The following RNGTT variants were observed in gnomAD, a reference collection of about 807,000 sequenced individuals.
RNGTT encodes the protein mRNA-capping enzyme.
In RNGTT, 33 loss-of-function variants were observed where a neutral mutation model predicts 79.3. That is an observed-to-expected ratio of 0.42 (90% CI 0.32 to 0.56). RNGTT has a LOEUF of 0.56. RNGTT is among the 20% of genes least tolerant of loss of function. RNGTT has a pLI of 0.17. For missense variants in RNGTT, 497 were observed against 739.1 expected (o/e 0.67, Z 3.80); for synonymous variants, 222 against 235.9 (o/e 0.94, Z 0.54).
chr6:88,656,804 G>C (rs1773996652), intron 14 of RNGTT, among the ~76,000 whole-genome samples: 1 of 151,694 alleles, frequency 6.6e-6, no homozygotes, highest in Non-Finnish European at 1.5e-5. Context: ...AGTAAGTTGA[G>C]GAAGGCCAGG....
At chr6:88,846,433 C>T (rs1310422810) in intron 10 of RNGTT, among the ~76,000 whole-genome samples, 2 of 151,952 alleles carry the variant, frequency 1.3e-5, no homozygotes, top group African/African-American at 4.8e-5. Context: ...TTGCTATGTC[C>T]CACACCTTAC....
chr6:88,713,088 A>G (rs1776373621), intron 13 of RNGTT, among the ~76,000 whole-genome samples: 1 of 152,104 alleles, frequency 6.6e-6, no homozygotes, highest in Non-Finnish European at 1.5e-5. Flanking sequence ...GTGTTCCCTC[A>G]AGTCATGTGT....
At chr6:88,887,047 TAAAAAAAAAAA>T (rs754717516) in intron 8 of RNGTT, among the ~76,000 whole-genome samples, 2 of 83,458 alleles carry the variant, frequency 2.4e-5, no homozygotes, top group Admixed American at 1.4e-4. Context: ...ACAATTTCTT[TAAAAAAAAAAA>T]AAAAAAAAAA....
intron 14 of RNGTT, among the ~76,000 whole-genome samples, chr6:88,675,316 C>T (rs956619344): frequency 6.6e-6 from 1 of 152,108 alleles, no homozygotes; most frequent in African/African-American, 2.4e-5. Flanking sequence ...AATGCTTTCC[C>T]ACTAAGATAA....
chr6:88,711,410 T>G (rs1776312163), intron 13 of RNGTT, among the ~76,000 whole-genome samples: 1 of 152,216 alleles, frequency 6.6e-6, no homozygotes, highest in Admixed American at 6.5e-5. Context: ...TCAGTAATAT[T>G]ATATAACATG....
Position 88,875,187 on chromosome 6 carries a change from G to GA in RNGTT, c.896+15307dup, listed in dbSNP as rs966287085. On this transcript the variant is annotated intron_variant, in intron 8 of 15. Transcript: ENST00000369485. ...TTGAATTACCATCACAAAGCAATTT[G>GA]AAAAAAAAATAATAGAGTTTTTCTA... is the stretch of plus-strand genomic sequence containing the variant. 1.2e-4 allele frequency among the ~76,000 whole-genome samples: 18 copies of GA among 148,396 alleles called. 1 individual carries two copies. The South Asian group carries it at 1.9e-3, about 16-fold the overall frequency.
Position 88,612,764 on chromosome 6 carries a change from C to G in RNGTT, c.1749G>C (p.Glu583Asp). 1 of 1,613,280 alleles carries G rather than the reference C, an allele frequency of 6.2e-7. No homozygotes were observed. The highest frequency in any genetic ancestry group is 8.5e-7 in the Non-Finnish European group (1 of 1,179,930). Reference protein sequence around the residue: ...KRKHHLDPDTELMPPPPPKRP... With the variant: ...KRKHHLDPDTDLMPPPPPKRP... ...TTTTGGGAGGTGGTGGTGGCATGAG[C>G]TCCGTGTCAGGGTCCAGATGATGTT... Residue 583 changes from glutamate (E) to aspartate (D), a missense_variant, in exon 16 of 16, where the codon GAG (glutamate) becomes GAC (aspartate). Transcript: ENST00000369485.
intron 4 of RNGTT, among the ~76,000 whole-genome samples, chr6:88,908,355 C>T (rs1484211136): frequency 6.6e-6 from 1 of 152,156 alleles, no homozygotes; most frequent in Non-Finnish European, 1.5e-5. Context: ...AAAAACGCCT[C>T]TTCCATGAAA....
chr6:88,895,229 C>CTGTGTGTG (rs5878081), intron 6 of RNGTT, among the ~76,000 whole-genome samples: 3,451 of 145,152 alleles, frequency 0.024, 73 homozygotes, highest in African/African-American at 0.055. Context: ...AGAGAGAGCT[C>CTGTGTGTG]TGTGTGTGTG....
At chr6:88,674,194 GTTAT>G (rs765677533) in intron 14 of RNGTT, among the ~76,000 whole-genome samples, 2 of 152,224 alleles carry the variant, frequency 1.3e-5, no homozygotes, top group Non-Finnish European at 2.9e-5. Flanking sequence ...AATTAATGGA[GTTAT>G]TTAAAGAGGT....
intron 11 of RNGTT, among the ~76,000 whole-genome samples, chr6:88,843,781 T>C (rs926804445): frequency 4.8e-4 from 73 of 151,336 alleles, no homozygotes; most frequent in African/African-American, 9.9e-4. Flanking sequence ...TGGTCTTGAG[T>C]TCCTGACCTT....
intron 14 of RNGTT, among the ~76,000 whole-genome samples, chr6:88,634,229 T>C (rs2127770560): frequency 1.3e-5 from 2 of 152,298 alleles, no homozygotes; most frequent in South Asian, 4.1e-4. Flanking sequence ...TAAGCTAGTT[T>C]TACAAGATTC....
chr6:88,884,058 T>C (rs1782779670), intron 8 of RNGTT, among the ~76,000 whole-genome samples: 1 of 152,318 alleles, frequency 6.6e-6, no homozygotes, highest in Non-Finnish European at 1.5e-5. Context: ...GAATACAATC[T>C]GGCACTACCC....
chr6:88,673,088 T>A (rs1266693331), intron 14 of RNGTT, among the ~76,000 whole-genome samples: 1 of 152,150 alleles, frequency 6.6e-6, no homozygotes, highest in Non-Finnish European at 1.5e-5. Flanking sequence ...AGAAATATAG[T>A]TGTAAAATAT....
chr6:88,774,061 T>A (rs1025265403), intron 12 of RNGTT, among the ~76,000 whole-genome samples: 1 of 152,156 alleles, frequency 6.6e-6, no homozygotes, highest in Non-Finnish European at 1.5e-5. Flanking sequence ...ATTATACATC[T>A]GATATAAACC....
At chr6:88,724,059 G>T (rs917093566) in intron 13 of RNGTT, among the ~76,000 whole-genome samples, 5 of 152,132 alleles carry the variant, frequency 3.3e-5, no homozygotes, top group African/African-American at 1.2e-4. Flanking sequence ...TTTTACAAAA[G>T]AGTCAAAAGG....
chr6:88,680,099 C>A (rs992880190), intron 13 of RNGTT, among the ~76,000 whole-genome samples: 1 of 152,078 alleles, frequency 6.6e-6, no homozygotes, highest in Non-Finnish European at 1.5e-5. Context: ...ACTGCAAACT[C>A]AAAACAATCA....
chr6:88,651,728 C>G (rs1332824140), intron 14 of RNGTT, among the ~76,000 whole-genome samples: 1 of 147,332 alleles, frequency 6.8e-6, no homozygotes, highest in African/African-American at 2.7e-5. Flanking sequence ...TATTCATTTC[C>G]CTATGTTTCA....
intron 1 of RNGTT, among the ~76,000 whole-genome samples, chr6:88,948,357 TG>T (rs1432565527): frequency 3.5e-4 from 18 of 51,514 alleles, no homozygotes; most frequent in African/African-American, 1.6e-3. Flanking sequence ...GGGAGGGAGG[TG>T]GGGGGGGGTC....
Sources: allele counts gnomAD v4.1 joint callset (sites outside exome capture counted in the v4.1 genomes callset), GRCh38; gene constraint gnomAD v4.1.1; transcripts MANE v1.5; gene names NCBI Gene and HGNC (gene_info 2026-07-23, HGNC 2026-07-21).